SLC8A1: variants seen among roughly 807,000 people sequenced by gnomAD.
The protein encoded by SLC8A1 is sodium/calcium exchanger 1.
A neutral mutation model predicts 68.3 loss-of-function variants in SLC8A1; 18 were observed. The observed-to-expected ratio is 0.26, with a 90% CI of 0.18 to 0.39. The LOEUF is 0.39. Ranked by LOEUF, SLC8A1 falls within the 10% of genes least tolerant of loss-of-function variation. SLC8A1 has a pLI of 1.00. For synonymous variants in SLC8A1, 475 were observed against 415.5 expected, an observed-to-expected ratio of 1.14 and a Z score of -1.74; for missense variants, 985 against 1,156.7, an observed-to-expected ratio of 0.85 and a Z score of 2.15.
At chr2:40,226,829 G>A (rs2059039793) in intron 2 of SLC8A1, among the ~76,000 whole-genome samples, 1 of 152,110 alleles carries the variant, frequency 6.6e-6, no homozygotes, top group Admixed American at 6.6e-5. Flanking sequence ...TGCCACTAAT[G>A]AGCATCTATT....
intron 2 of SLC8A1, among the ~76,000 whole-genome samples, chr2:40,259,667 C>T (rs2064424923): frequency 2.0e-5 from 3 of 152,112 alleles, no homozygotes; most frequent in Admixed American, 2.0e-4. Context: ...ATAAGAGAAC[C>T]TTTTCTTAGA....
At chr2:40,315,421 C>T (rs188179161) in intron 2 of SLC8A1, among the ~76,000 whole-genome samples, 7 of 148,872 alleles carry the variant, frequency 4.7e-5, no homozygotes, top group African/African-American at 1.5e-4. Flanking sequence ...GGTAAATAAC[C>T]ATTTTCTTTC....
At chr2:40,505,086 G>A (rs1277765007) in intron 1 of SLC8A1, among the ~76,000 whole-genome samples, 1 of 151,912 alleles carries the variant, frequency 6.6e-6, no homozygotes, top group African/African-American at 2.4e-5. Flanking sequence ...AATGGATAAA[G>A]AAAATGTGGC....
intron 2 of SLC8A1, among the ~76,000 whole-genome samples, chr2:40,308,604 T>C (rs1397013870): frequency 6.6e-6 from 1 of 152,052 alleles, no homozygotes; most frequent in Non-Finnish European, 1.5e-5. Context: ...AATATCATAG[T>C]GCTATACTTT....
intron 2 of SLC8A1, among the ~76,000 whole-genome samples, chr2:40,243,032 G>A (rs776931261): frequency 7.9e-5 from 12 of 152,124 alleles, no homozygotes; most frequent in Non-Finnish European, 4.4e-5. Context: ...TTCACCAAAC[G>A]TGGATACGAG....
At chr2:40,281,347 C>A (rs1177014019) in intron 2 of SLC8A1, among the ~76,000 whole-genome samples, 1 of 152,020 alleles carries the variant, frequency 6.6e-6, no homozygotes, top group Non-Finnish European at 1.5e-5. Flanking sequence ...TACATAGTTT[C>A]TGGAAAGGGC....
intron 2 of SLC8A1, among the ~76,000 whole-genome samples, chr2:40,373,990 G>A (rs1287092118): frequency 1.3e-5 from 2 of 152,130 alleles, no homozygotes; most frequent in Non-Finnish European, 2.9e-5. Context: ...TCTGAGAAGA[G>A]GTATCAGATA....
chr2:40,133,336 T>G (rs2039776135), intron 7 of SLC8A1, among the ~76,000 whole-genome samples: 1 of 148,154 alleles, frequency 6.7e-6, no homozygotes, highest in Non-Finnish European at 1.5e-5. Context: ...AAAAATGACA[T>G]AAATTTTCCC....
chr2:40,388,363 G>A (rs1684256104), intron 2 of SLC8A1, among the ~76,000 whole-genome samples: 1 of 152,098 alleles, frequency 6.6e-6, no homozygotes, highest in Non-Finnish European at 1.5e-5. Context: ...ACGCTTCCTA[G>A]AAGATGACGT....
rs1038279612 is a variant in SLC8A1 at position 40,457,781 on chromosome 2, A to C, written c.-24-27477T>G. On this transcript the variant is annotated intron_variant, in intron 1 of 7. Coordinates refer to the SLC8A1 transcript ENST00000402441. Reference sequence around the variant, plus strand: ...CATTCCTAAGAATGTCTTTATCAAAACAAAGGATAAATTGTTTGTATAGAC... The same window carrying C: ...CATTCCTAAGAATGTCTTTATCAAACCAAAGGATAAATTGTTTGTATAGAC... 4.6e-5 allele frequency among the ~76,000 whole-genome samples: 7 copies of C among 152,254 alleles called. No individual in the cohort carries two copies. The East Asian group carries it at 9.6e-4, about 21-fold the overall frequency.
intron 1 of SLC8A1, among the ~76,000 whole-genome samples, chr2:40,471,278 T>G (rs866534190): frequency 2.0e-5 from 3 of 152,320 alleles, no homozygotes; most frequent in Middle Eastern, 3.4e-3. Flanking sequence ...GTTTTTTTAC[T>G]GCAGTGTCCG....
At chr2:40,279,460 G>A (rs1273560572) in intron 2 of SLC8A1, among the ~76,000 whole-genome samples, 1 of 152,196 alleles carries the variant, frequency 6.6e-6, no homozygotes, top group African/African-American at 2.4e-5. Context: ...TTAGTATAAG[G>A]AGAAGTGATT....
At chr2:40,402,906 A>G (rs1689168197) in intron 2 of SLC8A1, among the ~76,000 whole-genome samples, 1 of 152,186 alleles carries the variant, frequency 6.6e-6, no homozygotes, top group African/African-American at 2.4e-5. Flanking sequence ...CTACCAACAC[A>G]ATTGTGCCAT....
intron 2 of SLC8A1, among the ~76,000 whole-genome samples, chr2:40,312,997 T>C (rs1446628959): frequency 6.6e-6 from 1 of 152,082 alleles, no homozygotes; most frequent in African/African-American, 2.4e-5. Context: ...ATACATATGC[T>C]GCATATACTA....
chr2:40,211,342 G>C (rs955557419), intron 2 of SLC8A1, among the ~76,000 whole-genome samples: 1 of 152,112 alleles, frequency 6.6e-6, no homozygotes, highest in African/African-American at 2.4e-5. Context: ...GTCTTTTTGA[G>C]AAGCCAGTAG....
chr2:40,438,172 A>G (rs1300039013), intron 1 of SLC8A1, among the ~76,000 whole-genome samples: 6 of 152,108 alleles, frequency 3.9e-5, no homozygotes, highest in African/African-American at 1.4e-4. Context: ...CATCTTTCAA[A>G]AGCCTCCTGA....
chr2:40,204,208 C>T (rs17025531), intron 2 of SLC8A1, among the ~76,000 whole-genome samples: 4,231 of 152,054 alleles, frequency 0.028, 219 homozygotes, highest in African/African-American at 0.096. Flanking sequence ...ATACATTGTT[C>T]TGTCTTTTAA....
chr2:40,418,566 T>C (rs1694566736), intron 2 of SLC8A1, among the ~76,000 whole-genome samples: 2 of 152,226 alleles, frequency 1.3e-5, no homozygotes, highest in South Asian at 2.1e-4. Context: ...GTACTTTCAA[T>C]GTCTGTAGTA....
In SLC8A1 at chr2:40,350,574, G is replaced by C. The variant is rs12989200; in HGVS notation, c.1808+77899C>G. ...GCCCCAAGCAAGCATTACTTCTCAC[G>C]CACCCAGACAAGCAAAAAAAAAAAA... On this transcript the variant is annotated intron_variant, in intron 2 of 7. Transcript: ENST00000406785. Among the ~76,000 whole-genome samples the C allele has an allele frequency of 1.7e-5, 2 of 115,548 alleles. 1 individual carries two copies. Among genetic ancestry groups the C allele is most frequent in the Non-Finnish European group, 3.4e-5 (2 of 58,632 alleles). The allele number at this position is 115,548 out of a possible 152,430, so 75.8% of individuals were successfully genotyped here.
Sources: allele counts gnomAD v4.1 joint callset (sites outside exome capture counted in the v4.1 genomes callset), GRCh38; gene constraint gnomAD v4.1.1; transcripts MANE v1.5; gene names NCBI Gene and HGNC (gene_info 2026-07-23, HGNC 2026-07-21).